LRRC4C: variants seen among roughly 807,000 people sequenced by gnomAD.
LRRC4C encodes the protein leucine rich repeat containing 4C.
LRRC4C carries 5 observed loss-of-function variants against 33.6 expected under a neutral mutation model. That is an observed-to-expected ratio of 0.15 (90% confidence interval 0.08 to 0.31). The LOEUF is 0.31. Among genes scored for constraint, LRRC4C ranks in the 10% least tolerant of loss-of-function variants. LRRC4C has a pLI of 1.00. For missense variants in LRRC4C, 560 were observed against 796.7 expected (o/e 0.70, Z 3.58); for synonymous variants, 329 against 302.0 (o/e 1.09, Z -0.93).
intron 3 of LRRC4C, among the ~76,000 whole-genome samples, chr11:40,381,591 T>C (rs1183495380): frequency 1.3e-5 from 2 of 152,130 alleles, no homozygotes; most frequent in African/African-American, 2.4e-5. Flanking sequence ...TTCACAAGCA[T>C]AAACTGATTA....
rs556683014 is a variant in LRRC4C, at chr11:40,442,648, G to T, written c.-269-122927C>A. Among the ~76,000 whole-genome samples the T allele has an allele frequency of 3.3e-5, 5 of 152,294 alleles. No individual in the cohort carries two copies. In the South Asian group the frequency reaches 1.0e-3, roughly 32 times the overall value. Reference sequence around the variant, plus strand: ...TGTGATTCTCCAGGGAGACAGGGTTGAAGTAGTTTCTGCAAATTTTAGACC... The same window carrying T: ...TGTGATTCTCCAGGGAGACAGGGTTTAAGTAGTTTCTGCAAATTTTAGACC... On this transcript the variant is annotated intron_variant, in intron 3 of 6. Transcript: ENST00000528697.
intron 3 of LRRC4C, among the ~76,000 whole-genome samples, chr11:40,479,857 A>C (rs986818586): frequency 1.3e-5 from 2 of 152,138 alleles, no homozygotes; most frequent in Non-Finnish European, 2.9e-5. Flanking sequence ...CTAGGTTCAG[A>C]CCAGATGTCT....
intron 2 of LRRC4C, among the ~76,000 whole-genome samples, chr11:40,794,641 T>C (rs570055867): frequency 1.2e-4 from 19 of 152,316 alleles, no homozygotes; most frequent in African/African-American, 4.6e-4. Context: ...GTGTTGGAAG[T>C]ACTACTTTCT....
At chr11:40,916,241 T>C (rs1452774257) in intron 2 of LRRC4C, among the ~76,000 whole-genome samples, 1 of 152,162 alleles carries the variant, frequency 6.6e-6, no homozygotes. Context: ...TAAAGACACA[T>C]GCACATGTAT....
At chr11:40,595,307 C>G (rs1027298161) in intron 3 of LRRC4C, among the ~76,000 whole-genome samples, 1 of 151,976 alleles carries the variant, frequency 6.6e-6, no homozygotes. Context: ...GCTGGAAAGA[C>G]TGACTTGAAA....
chr11:41,037,574 T>TCACACACACACACACACA (rs56234239), intron 1 of LRRC4C, among the ~76,000 whole-genome samples: 26 of 148,964 alleles, frequency 1.7e-4, no homozygotes, highest in Middle Eastern at 3.4e-3. Context: ...TCTTTTCCTT[T>TCACACACACACACACACA]CACACACACA....
chr11:40,212,017 CTG>C (rs1227594771), intron 5 of LRRC4C, among the ~76,000 whole-genome samples: 1 of 152,136 alleles, frequency 6.6e-6, no homozygotes, highest in Non-Finnish European at 1.5e-5. Flanking sequence ...ACCCTATGTG[CTG>C]ATGATGCTGT....
intron 2 of LRRC4C, among the ~76,000 whole-genome samples, chr11:40,706,694 C>T (rs1946184586): frequency 6.6e-6 from 1 of 152,134 alleles, no homozygotes; most frequent in South Asian, 2.1e-4. Flanking sequence ...TCAATGCAGG[C>T]TCTTTTTTGA....
chr11:40,666,337 G>T (rs1001812997), intron 2 of LRRC4C, among the ~76,000 whole-genome samples: 4 of 152,068 alleles, frequency 2.6e-5, no homozygotes, highest in African/African-American at 7.2e-5. Flanking sequence ...CATGGTGAGG[G>T]TATAAACGTA....
chr11:40,953,360 G>A (rs1958803383), intron 1 of LRRC4C, among the ~76,000 whole-genome samples: 1 of 151,750 alleles, frequency 6.6e-6, no homozygotes, highest in African/African-American at 2.4e-5. Context: ...CATAGGTATG[G>A]ATTTCCCATC....
At chr11:40,461,092 T>C (rs1952374822) in intron 3 of LRRC4C, among the ~76,000 whole-genome samples, 1 of 152,106 alleles carries the variant, frequency 6.6e-6, no homozygotes, top group South Asian at 2.1e-4. Flanking sequence ...AAATAAATAA[T>C]GTCAACAACA....
intron 3 of LRRC4C, among the ~76,000 whole-genome samples, chr11:40,367,620 T>C (rs1051450947): frequency 3.3e-5 from 5 of 152,070 alleles, no homozygotes; most frequent in African/African-American, 9.7e-5. Context: ...ATAGAATTCT[T>C]TGGGTGTCTT....
chr11:40,736,571 T>C (rs1309034799), intron 2 of LRRC4C, among the ~76,000 whole-genome samples: 3 of 152,136 alleles, frequency 2.0e-5, no homozygotes, highest in African/African-American at 7.2e-5. Context: ...TGGTTCTAGA[T>C]CCTTGAGGAA....
intron 3 of LRRC4C, among the ~76,000 whole-genome samples, chr11:40,441,103 T>A (rs1372140265): frequency 1.3e-5 from 2 of 152,196 alleles, no homozygotes; most frequent in Non-Finnish European, 2.9e-5. Context: ...TGGGCCATTC[T>A]GTTGGGTTTG....
chr11:41,223,203 A>T (rs1038485887), intron 1 of LRRC4C, among the ~76,000 whole-genome samples: 2 of 152,172 alleles, frequency 1.3e-5, no homozygotes, highest in Non-Finnish European at 2.9e-5. Context: ...AGAGACATAG[A>T]GAGTCATTGT....
chr11:40,539,027 T>C (rs1475911827), intron 3 of LRRC4C, among the ~76,000 whole-genome samples: 1 of 152,192 alleles, frequency 6.6e-6, no homozygotes, highest in Non-Finnish European at 1.5e-5. Context: ...CATTGTAGAT[T>C]CTGGATATTA....
At chr11:40,173,868 C>T (rs1565088900) in intron 5 of LRRC4C, among the ~76,000 whole-genome samples, 2 of 152,126 alleles carry the variant, frequency 1.3e-5, no homozygotes, top group South Asian at 2.1e-4. Flanking sequence ...TCAATGAATA[C>T]TTATGTTGGT....
At chr11:40,592,556 C>T (rs902959361) in intron 3 of LRRC4C, among the ~76,000 whole-genome samples, 2 of 152,188 alleles carry the variant, frequency 1.3e-5, no homozygotes, top group Admixed American at 6.5e-5. Context: ...CAAGGACATT[C>T]TGTGTCCATC....
At chr11:40,312,801 G>C (rs903920046) in intron 4 of LRRC4C, among the ~76,000 whole-genome samples, 1 of 152,218 alleles carries the variant, frequency 6.6e-6, no homozygotes, top group African/African-American at 2.4e-5. Flanking sequence ...TGAAAATGTA[G>C]TCAGCTTAAC....
Sources: allele counts gnomAD v4.1 joint callset (sites outside exome capture counted in the v4.1 genomes callset), GRCh38; gene constraint gnomAD v4.1.1; transcripts MANE v1.5; gene names NCBI Gene and HGNC (gene_info 2026-07-23, HGNC 2026-07-21).